CADPS2: variants seen among roughly 807,000 people sequenced by gnomAD.
The protein encoded by CADPS2 is calcium-dependent secretion activator 2.
A neutral mutation model predicts 172.5 loss-of-function variants in CADPS2; 93 were observed. The ratio of observed to expected loss-of-function variants is 0.54; its 90% CI spans 0.46 to 0.64. CADPS2 has a LOEUF of 0.64. Ranked by LOEUF, CADPS2 falls within the 30% of genes least tolerant of loss-of-function variation. The pLI is 0.00. For missense variants in CADPS2, 1,420 were observed against 1,565.9 expected (o/e 0.91, Z 1.57); for synonymous variants, 546 against 555.2 (o/e 0.98, Z 0.23).
chr7:122,698,461 A>C lies in CADPS2; in HGVS notation c.454-34892T>G, dbSNP rs760085521. The C allele has an allele frequency of 3.1e-6, 5 of 1,613,804 alleles. No individual in the cohort carries two copies. In the South Asian group the frequency reaches 5.5e-5, roughly 18 times the overall value. ...CGTGCCTTTTAAGTTACCAATCATA[A>C]CCACAACGACATCTTCAAATGCCTG... On this transcript the variant is annotated intron_variant, in intron 2 of 29. Coordinates refer to ENST00000449022, the MANE Select transcript of CADPS2 (RefSeq NM_017954.11).
chr7:122,779,112 T>C (rs1266625361), intron 1 of CADPS2, among the ~76,000 whole-genome samples: 1 of 152,228 alleles, frequency 6.6e-6, no homozygotes, highest in Non-Finnish European at 1.5e-5. Context: ...TCTGCTGTGA[T>C]TGTGAGGCCT....
chr7:122,475,218 T>C (rs539075637), intron 12 of CADPS2, among the ~76,000 whole-genome samples: 1 of 148,264 alleles, frequency 6.7e-6, no homozygotes, highest in Admixed American at 6.6e-5. Context: ...TCATTAATGG[T>C]ATGTTTTGTC....
intron 6 of CADPS2, among the ~76,000 whole-genome samples, chr7:122,600,371 G>A (rs1206497766): frequency 6.6e-6 from 1 of 152,036 alleles, no homozygotes; most frequent in Non-Finnish European, 1.5e-5. Context: ...TGAAAAAACT[G>A]AGCCATGAAA....
chr7:122,630,809 A>G (rs781163839), intron 3 of CADPS2, among the ~76,000 whole-genome samples: 9 of 152,176 alleles, frequency 5.9e-5, no homozygotes, highest in Non-Finnish European at 1.0e-4. Flanking sequence ...CCTGTCTAAA[A>G]TATGTTTCCA....
At chr7:122,711,645 T>C (rs762017494) in intron 2 of CADPS2, among the ~76,000 whole-genome samples, 3 of 152,082 alleles carry the variant, frequency 2.0e-5, no homozygotes, top group Non-Finnish European at 4.4e-5. Flanking sequence ...TGTCACAATA[T>C]ATGTTTTACA....
At chr7:122,358,924 T>A (rs2039774548) in intron 27 of CADPS2, among the ~76,000 whole-genome samples, 1 of 152,116 alleles carries the variant, frequency 6.6e-6, no homozygotes. Context: ...GGTTAGTAAC[T>A]GGCATGATGA....
chr7:122,439,003 G>A (rs1281887541), intron 16 of CADPS2, among the ~76,000 whole-genome samples: 1 of 151,910 alleles, frequency 6.6e-6, no homozygotes, highest in Admixed American at 6.6e-5. Context: ...TACCACGGCA[G>A]TGTATTCAAA....
intron 25 of CADPS2, among the ~76,000 whole-genome samples, chr7:122,368,470 G>A (rs1442496502): frequency 3.3e-5 from 5 of 152,136 alleles, no homozygotes; most frequent in Non-Finnish European, 7.3e-5. Context: ...CATCTATTGT[G>A]TGGCCTTGGG....
At chr7:122,689,249 A>G (rs1277934359) in intron 2 of CADPS2, among the ~76,000 whole-genome samples, 1 of 152,088 alleles carries the variant, frequency 6.6e-6, no homozygotes, top group East Asian at 1.9e-4. Flanking sequence ...TAAAGCTGCC[A>G]TTATGTTCTG....
At chr7:122,701,429 G>A (rs867971999) in intron 2 of CADPS2, among the ~76,000 whole-genome samples, 22 of 152,168 alleles carry the variant, frequency 1.4e-4, no homozygotes, top group African/African-American at 4.8e-4. Flanking sequence ...GTCACACACC[G>A]GGGCCTGTTG....
chr7:122,598,871 T>C (rs1009471144), intron 6 of CADPS2, among the ~76,000 whole-genome samples: 27 of 152,014 alleles, frequency 1.8e-4, no homozygotes, highest in African/African-American at 6.3e-4. Context: ...CTCAAAGTTT[T>C]TGAGGGGGAG....
At chr7:122,845,537 G>T (rs1328087167) in intron 1 of CADPS2, among the ~76,000 whole-genome samples, 3 of 152,106 alleles carry the variant, frequency 2.0e-5, no homozygotes, top group African/African-American at 7.2e-5. Flanking sequence ...ATGCCATATG[G>T]CATCAGTCTT....
chr7:122,401,419 G>A (rs1197166436), intron 20 of CADPS2, among the ~76,000 whole-genome samples: 2 of 152,178 alleles, frequency 1.3e-5, no homozygotes, highest in Non-Finnish European at 2.9e-5. Context: ...AAGGTGACTA[G>A]CTCCAAGGGT....
chr7:122,450,140 C>A (rs1475587627), intron 15 of CADPS2, among the ~76,000 whole-genome samples: 1 of 152,116 alleles, frequency 6.6e-6, no homozygotes, highest in Non-Finnish European at 1.5e-5. Context: ...CATGGTCATA[C>A]AGCATTCATA....
chr7:122,541,316 C>T (rs1221716601), intron 8 of CADPS2, among the ~76,000 whole-genome samples: 4 of 150,076 alleles, frequency 2.7e-5, no homozygotes, highest in African/African-American at 9.8e-5. Context: ...CCTGCCTCAG[C>T]CTCCCGAGTA....
chr7:122,397,413 G>T (rs1448031099), intron 20 of CADPS2, among the ~76,000 whole-genome samples: 1 of 132,748 alleles, frequency 7.5e-6, no homozygotes, highest in Admixed American at 8.3e-5. Context: ...GGGAGTGGGG[G>T]AGAAATGGGG....
At chr7:122,707,704 A>C (rs929368982) in intron 2 of CADPS2, among the ~76,000 whole-genome samples, 3 of 151,918 alleles carry the variant, frequency 2.0e-5, no homozygotes, top group East Asian at 3.9e-4. Flanking sequence ...TTGACTCTAA[A>C]GTACCTCACT....
At chr7:122,706,758 T>G (rs1024550605) in intron 2 of CADPS2, among the ~76,000 whole-genome samples, 1 of 147,808 alleles carries the variant, frequency 6.8e-6, no homozygotes, top group Non-Finnish European at 1.5e-5. Context: ...AATATATATA[T>G]ATATAAAATG....
chr7:122,757,250 G>C (rs892442782), intron 1 of CADPS2, among the ~76,000 whole-genome samples: 1 of 152,118 alleles, frequency 6.6e-6, no homozygotes, highest in African/African-American at 2.4e-5. Flanking sequence ...TGGCTCAAGT[G>C]ATCCTCTCAG....
Sources: allele counts gnomAD v4.1 joint callset (sites outside exome capture counted in the v4.1 genomes callset), GRCh38; gene constraint gnomAD v4.1.1; transcripts MANE v1.5; gene names NCBI Gene and HGNC (gene_info 2026-07-23, HGNC 2026-07-21).